Variants in TTLL5 observed in about 807,000 individuals in gnomAD.
The protein encoded by TTLL5 is tubulin tyrosine ligase like 5, also known as tubulin polyglutamylase TTLL5.
Under a neutral mutation model 168.4 loss-of-function variants are expected in TTLL5, and 132 were observed. The ratio of observed to expected loss-of-function variants is 0.78; its 90% CI spans 0.68 to 0.91. The LOEUF is 0.91. TTLL5 is among the 40% of genes least tolerant of loss of function. TTLL5 has a pLI of 0.00. For synonymous variants in TTLL5, 546 were observed against 558.6 expected (o/e 0.98, Z 0.32); for missense variants, 1,545 against 1,581.5 (o/e 0.98, Z 0.39).
Position 75,731,170 on chromosome 14 carries a change from G to A in TTLL5, c.1043-1168G>A, listed in dbSNP as rs183062993. On this transcript the variant is annotated intron_variant, in intron 12 of 31. Coordinates refer to ENST00000298832, the MANE Select transcript of TTLL5 (RefSeq NM_015072.5). Reference sequence around the variant, plus strand: ...TCTTGAAGCAAGGAAATTTGTATCAGAATTAATTTCTGGAAAATACCTCGT... The same window carrying A: ...TCTTGAAGCAAGGAAATTTGTATCAAAATTAATTTCTGGAAAATACCTCGT... 4.2e-4 allele frequency among the ~76,000 whole-genome samples: 64 copies of A among 152,174 alleles called. 1 individual carries two copies. In the East Asian group the frequency reaches 9.1e-3, roughly 22 times the overall value.
chr14:75,804,942 G>T (rs1462745866), intron 27 of TTLL5, among the ~76,000 whole-genome samples: 1 of 152,072 alleles, frequency 6.6e-6, no homozygotes, highest in Non-Finnish European at 1.5e-5. Flanking sequence ...CTACTGCATG[G>T]TCTCTTGTTT....
chr14:75,954,384 GTCATTTCAT>G (rs1291812651), intron 31 of TTLL5, 31 bp from the exon 32 acceptor site: 2 of 1,611,034 alleles, frequency 1.2e-6, no homozygotes, highest in Non-Finnish European at 1.7e-6. Flanking sequence ...ACCCCATGCT[GTCATTTCAT>G]TCATTTCATG....
chr14:75,853,694 T>C (rs113356311), intron 28 of TTLL5, among the ~76,000 whole-genome samples: 11 of 152,346 alleles, frequency 7.2e-5, no homozygotes, highest in African/African-American at 2.6e-4. Context: ...ATGCTGTAAC[T>C]TTTTGTTTGC....
intron 17 of TTLL5, among the ~76,000 whole-genome samples, chr14:75,751,177 T>C (rs1004763378): frequency 5.3e-5 from 8 of 152,212 alleles, no homozygotes; most frequent in South Asian, 2.1e-4. Flanking sequence ...TGAGCACTTA[T>C]CATGCACTGT....
chr14:75,726,521 G>A (rs1888193549), intron 12 of TTLL5, among the ~76,000 whole-genome samples: 1 of 152,152 alleles, frequency 6.6e-6, no homozygotes, highest in South Asian at 2.1e-4. Flanking sequence ...GTGATAGGGA[G>A]GAGCAGACAT....
intron 31 of TTLL5, chr14:75,904,264 A>G: frequency 5.3e-6 from 6 of 1,124,292 alleles, no homozygotes; most frequent in Non-Finnish European, 4.4e-6. Context: ...CTATATTTTT[A>G]AGAAAGTAAA....
At chr14:75,743,575 CT>C (rs33959405) in intron 15 of TTLL5, among the ~76,000 whole-genome samples, 8 of 63,112 alleles carry the variant, frequency 1.3e-4, no homozygotes, top group East Asian at 5.9e-4. Context: ...TGGCATCGCT[CT>C]TTTTTTTTTT....
intron 27 of TTLL5, among the ~76,000 whole-genome samples, chr14:75,794,393 C>T (rs149811210): frequency 0.012 from 1,879 of 150,394 alleles, 15 homozygotes; most frequent in South Asian, 0.025. Flanking sequence ...TATATGTTTC[C>T]GGTTTATAAA....
chr14:75,897,867 T>G (rs1243386020), intron 30 of TTLL5, among the ~76,000 whole-genome samples: 11 of 152,224 alleles, frequency 7.2e-5, no homozygotes, highest in Non-Finnish European at 1.5e-4. Flanking sequence ...CTTCTTACTC[T>G]CAACCTTTCA....
intron 28 of TTLL5, among the ~76,000 whole-genome samples, chr14:75,863,233 T>C (rs958738091): frequency 6.6e-6 from 1 of 152,194 alleles, no homozygotes; most frequent in Admixed American, 6.5e-5. Context: ...GAAAACAAAT[T>C]CTGTGTGATG....
At chr14:75,936,618 T>G (rs1311236062) in intron 31 of TTLL5, among the ~76,000 whole-genome samples, 1 of 152,196 alleles carries the variant, frequency 6.6e-6, no homozygotes, top group African/African-American at 2.4e-5. Flanking sequence ...TCTCTCTTTC[T>G]ACTTTAATAT....
chr14:75,946,278 G>A (rs1429846572), intron 31 of TTLL5, among the ~76,000 whole-genome samples: 1 of 152,156 alleles, frequency 6.6e-6, no homozygotes, highest in Non-Finnish European at 1.5e-5. Flanking sequence ...AGTCATTTAA[G>A]TTCATACTGT....
At position 75,775,616 on chromosome 14, in the gene TTLL5, A is replaced by T. The variant is rs1161394593; in HGVS notation, c.2269A>T (p.Ile757Phe). Residue 757 changes from isoleucine to phenylalanine, a missense_variant, in exon 22 of 32, where the codon ATT becomes TTT. Coordinates refer to ENST00000298832, the MANE Select transcript of TTLL5 (RefSeq NM_015072.5). ...GGCCCACCAGCTGGGTGACTTTATC[A>T]TTGTATACAACAAGGTAAGTCTTTT... ...ILAHQLGDFIIVYNKETEQMA... is the reference protein window; with the variant it reads ...ILAHQLGDFIFVYNKETEQMA... 1 of 1,613,964 alleles carries T rather than the reference A, an allele frequency of 6.2e-7. No individual in the cohort carries two copies. Among genetic ancestry groups the T allele is most frequent in the Non-Finnish European group, 8.5e-7 (1 of 1,179,962 alleles).
chr14:75,691,422 A>C (rs1370745032), intron 6 of TTLL5, among the ~76,000 whole-genome samples: 1 of 152,198 alleles, frequency 6.6e-6, no homozygotes, highest in Non-Finnish European at 1.5e-5. Flanking sequence ...GGTAATAGCT[A>C]ACATTTACTG....
chr14:75,820,180 A>C lies in TTLL5; in HGVS notation c.3326+19A>C. 6.4e-7 allele frequency: 1 copy of C among 1,557,268 alleles called. No homozygotes were observed. The highest frequency in any genetic ancestry group is 1.4e-5 in the African/African-American group (1 of 72,050). The stretch of plus-strand genomic sequence containing the variant: ...GAAGCAGGTATGTGAAGGGCCCTGC[A>C]ACTAGCATTTGGGTTACTCAGGGAT... On this transcript the variant is annotated intron_variant, in intron 28 of 31. Transcript: ENST00000298832.
intron 31 of TTLL5, among the ~76,000 whole-genome samples, chr14:75,910,503 T>G (rs1039708990): frequency 2.0e-5 from 3 of 152,260 alleles, no homozygotes; most frequent in African/African-American, 7.2e-5. Context: ...ACTGTGGTTA[T>G]CCATCCTGTG....
chr14:75,753,621 T>C (rs1051235214), intron 18 of TTLL5, among the ~76,000 whole-genome samples: 3 of 152,234 alleles, frequency 2.0e-5, no homozygotes, highest in Non-Finnish European at 4.4e-5. Flanking sequence ...TAGATACCCA[T>C]GTTTTAACCA....
At chr14:75,818,756 C>T (rs2140411726) in intron 27 of TTLL5, among the ~76,000 whole-genome samples, 1 of 152,014 alleles carries the variant, frequency 6.6e-6, no homozygotes, top group East Asian at 1.9e-4. Context: ...GCCTCAGCCT[C>T]CCAAAGTGTT....
At chr14:75,947,453 C>T (rs1027149887) in intron 31 of TTLL5, among the ~76,000 whole-genome samples, 3 of 152,106 alleles carry the variant, frequency 2.0e-5, no homozygotes, top group Admixed American at 1.3e-4. Flanking sequence ...TCAACCTTTT[C>T]TCGTCAACTT....
Sources: gnomAD v4.1 joint callset for allele counts (sites outside exome capture counted in the v4.1 genomes callset) on GRCh38, gnomAD v4.1.1 for gene constraint, MANE v1.5 for transcripts, NCBI Gene and HGNC (gene_info 2026-07-23, HGNC 2026-07-21) for gene names.